Variants in WDR7 observed in about 807,000 individuals in gnomAD.
WDR7 encodes WD repeat-containing protein 7.
A neutral mutation model predicts 169.4 loss-of-function variants in WDR7; 46 were observed. That is an observed-to-expected ratio of 0.27 (90% CI 0.21 to 0.35). The LOEUF is 0.35. Among genes scored for constraint, WDR7 ranks in the 10% least tolerant of loss-of-function variants. The pLI is 1.00. For synonymous variants in WDR7, 612 were observed against 666.8 expected, an observed-to-expected ratio of 0.92 and a Z score of 1.27; for missense variants, 1,534 against 1,859.3, an observed-to-expected ratio of 0.83 and a Z score of 3.22.
chr18:56,885,827 A>C (rs1335884299), intron 21 of WDR7, among the ~76,000 whole-genome samples: 1 of 116,796 alleles, frequency 8.6e-6, no homozygotes, highest in Admixed American at 8.0e-5. Flanking sequence ...ACTCTGTCTC[A>C]AAAAAAAAAA....
chr18:57,029,949 G>A (rs957776022), downstream of WDR7: 3 of 152,224 alleles, frequency 2.0e-5, no homozygotes, highest in Non-Finnish European at 4.4e-5. Flanking sequence ...GGACAGTAGA[G>A]CAGAAGTGCA....
intron 2 of WDR7, among the ~76,000 whole-genome samples, chr18:56,677,661 T>C (rs1322483252): frequency 6.6e-6 from 1 of 152,156 alleles, no homozygotes; most frequent in Non-Finnish European, 1.5e-5. Context: ...CAGTGTATGT[T>C]GTGTCTTTTC....
At chr18:56,663,307 T>G (rs550039758) in intron 1 of WDR7, among the ~76,000 whole-genome samples, 47 of 148,906 alleles carry the variant, frequency 3.2e-4, no homozygotes, top group African/African-American at 1.1e-3. Flanking sequence ...GCATAAAACT[T>G]GAGTATTTTG....
At chr18:56,855,296 A>G (rs1210915935) in intron 20 of WDR7, among the ~76,000 whole-genome samples, 1 of 151,898 alleles carries the variant, frequency 6.6e-6, no homozygotes, top group Non-Finnish European at 1.5e-5. Flanking sequence ...TGTTTAGAAT[A>G]CTAATAGTTT....
chr18:56,880,258 T>C, intron 21 of WDR7, 93 bp downstream of exon 21: 1 of 1,246,762 alleles, frequency 8.0e-7, no homozygotes, highest in Non-Finnish European at 1.1e-6. Flanking sequence ...TCCTGAGTTT[T>C]AGCTCATTTA....
At position 56,686,009 on chromosome 18, in the gene WDR7, A is replaced by G; in HGVS notation, c.574A>G (p.Thr192Ala). The G allele has an allele frequency of 6.3e-7, 1 of 1,597,156 alleles. No individual in the cohort carries two copies. The highest frequency in any genetic ancestry group is 8.5e-7 in the Non-Finnish European group (1 of 1,174,166). ...TGGCATCCTGAAGGTCTGGATTGTT[A>G]CCTCGGAAATAAGTGACATGCAGGT... ...VTGILKVWIV[T>A]SEISDMQDTE... The change falls in exon 6 of 28, where the codon ACC becomes GCC. Residue 192 changes from threonine (T) to alanine (A), a missense_variant. Physicochemically the swap from Thr to Ala is moderately conservative, Grantham distance 58. Coordinates refer to ENST00000254442, the MANE Select transcript of WDR7 (RefSeq NM_015285.3).
At position 56,672,663 on chromosome 18, in the gene WDR7, G is replaced by T; in HGVS notation, c.148G>T (p.Val50Leu). Residue 50 changes from valine (V) to leucine (L), a missense_variant, in exon 2 of 28, where the codon GTA becomes TTA. By Grantham distance (32) the Val-to-Leu change is conservative. Coordinates refer to ENST00000254442, the MANE Select transcript of WDR7 (RefSeq NM_015285.3). ...DGQICLWDLS[V>L]ELQINPRALL... is the part of the protein sequence containing the mutation. Reference sequence around the variant, plus strand: ...ACAAATATGTCTCTGGGATCTTTCAGTAGAACTGCAAGTGAGTATGTGAAA... The same window carrying T: ...ACAAATATGTCTCTGGGATCTTTCATTAGAACTGCAAGTGAGTATGTGAAA... 6 of 1,608,700 alleles carry T rather than the reference G, an allele frequency of 3.7e-6. No individual in the cohort carries two copies. The highest frequency in any genetic ancestry group is 3.4e-6 in the Non-Finnish European group (4 of 1,177,894).
intron 21 of WDR7, among the ~76,000 whole-genome samples, chr18:56,891,734 C>T (rs189773967): frequency 6.1e-4 from 93 of 152,182 alleles, no homozygotes; most frequent in African/African-American, 2.0e-3. Flanking sequence ...GTAACATATA[C>T]TGATTTTCAC....
At chr18:57,006,497 A>G (rs527668905) in intron 26 of WDR7, among the ~76,000 whole-genome samples, 2 of 152,312 alleles carry the variant, frequency 1.3e-5, no homozygotes, top group South Asian at 4.1e-4. Context: ...TAATGAATTG[A>G]CCTTTTAGTT....
chr18:56,652,372 C>A (rs2024675075), intron 1 of WDR7, among the ~76,000 whole-genome samples: 1 of 152,196 alleles, frequency 6.6e-6, no homozygotes, highest in African/African-American at 2.4e-5. Flanking sequence ...AAAAGGCAAA[C>A]TGACTCTTTC....
chr18:56,701,357 T>A (rs1213479380), intron 12 of WDR7, among the ~76,000 whole-genome samples: 3 of 152,206 alleles, frequency 2.0e-5, no homozygotes, highest in African/African-American at 7.2e-5. Flanking sequence ...TCTGTTTTTT[T>A]AAGAGTATAT....
At chr18:56,911,535 T>TC (rs1359285085) in intron 21 of WDR7, among the ~76,000 whole-genome samples, 1 of 152,234 alleles carries the variant, frequency 6.6e-6, no homozygotes, top group Admixed American at 6.5e-5. Context: ...AATTTATTTC[T>TC]CCTACACTTA....
chr18:56,819,067 A>G (rs998442942), intron 20 of WDR7, among the ~76,000 whole-genome samples: 11 of 152,268 alleles, frequency 7.2e-5, no homozygotes, highest in South Asian at 2.1e-4. Flanking sequence ...ATGAGGTATA[A>G]TATAATGCTT....
chr18:56,891,828 A>G (rs2046267579), intron 21 of WDR7, among the ~76,000 whole-genome samples: 1 of 152,062 alleles, frequency 6.6e-6, no homozygotes, highest in Admixed American at 6.6e-5. Flanking sequence ...CACATTTTAT[A>G]TGTTTAAATA....
intron 26 of WDR7, among the ~76,000 whole-genome samples, chr18:57,013,305 C>CAGGCCAT (rs2048162742): frequency 1.3e-5 from 2 of 152,198 alleles, no homozygotes; most frequent in Admixed American, 1.3e-4. Flanking sequence ...TGGTTCTTAA[C>CAGGCCAT]AGGCCATGGA....
At chr18:56,930,303 C>G (rs1442370104) in intron 22 of WDR7, among the ~76,000 whole-genome samples, 2 of 152,152 alleles carry the variant, frequency 1.3e-5, no homozygotes, top group Non-Finnish European at 2.9e-5. Context: ...CAAATCTCAG[C>G]CATTCTTGAA....
At chr18:56,712,171 A>G (rs1362331593) in intron 12 of WDR7, among the ~76,000 whole-genome samples, 2 of 152,226 alleles carry the variant, frequency 1.3e-5, no homozygotes, top group African/African-American at 4.8e-5. Flanking sequence ...AAGTGGAGTC[A>G]TCTCCCCAGA....
At chr18:56,784,511 A>G (rs2044365194) in intron 19 of WDR7, among the ~76,000 whole-genome samples, 3 of 152,196 alleles carry the variant, frequency 2.0e-5, no homozygotes, top group African/African-American at 4.8e-5. Context: ...GCTCCCACTT[A>G]TAAGTGAGAA....
chr18:56,724,934 G>A (rs1167564824), intron 13 of WDR7, among the ~76,000 whole-genome samples: 1 of 152,090 alleles, frequency 6.6e-6, no homozygotes, highest in Non-Finnish European at 1.5e-5. Context: ...ATAGTTTGCT[G>A]AGAATGATGG....
Sources: allele counts gnomAD v4.1 joint callset (sites outside exome capture counted in the v4.1 genomes callset), GRCh38; gene constraint gnomAD v4.1.1; transcripts MANE v1.5; gene names NCBI Gene and HGNC (gene_info 2026-07-23, HGNC 2026-07-21).